Variants in SMN1 observed in about 807,000 individuals in gnomAD.
The protein encoded by SMN1 is survival of motor neuron 1, telomeric.
For missense variants in SMN1, 15 were observed against 17.1 expected (o/e 0.88, Z 0.22); for synonymous variants, 3 against 5.1 (o/e 0.58, Z 0.56).
chr5:70,944,068 G>A (rs1255382191), intron 5 of SMN1, among the ~76,000 whole-genome samples: 2 of 144,814 alleles, frequency 1.4e-5, no homozygotes, highest in East Asian at 2.0e-4. Context: ...GATTACAGGC[G>A]CCTAGCCTAG....
At chr5:70,960,433 T>G in the SMN1 span, among the ~76,000 whole-genome samples, 32 of 148,770 alleles carry the variant, frequency 2.2e-4, 2 homozygotes, top group Admixed American at 5.4e-4. Flanking sequence ...CTCAGTTTTT[T>G]GTGTAGCTTT....
chr5:70,959,885 C>T, the SMN1 span, among the ~76,000 whole-genome samples: 2 of 97,410 alleles, frequency 2.1e-5, no homozygotes, highest in Non-Finnish European at 4.2e-5. Context: ...TTGTGATCTG[C>T]TCGCCTTGGC....
chr5:70,963,882 T>C, the SMN1 span, among the ~76,000 whole-genome samples: 7 of 41,672 alleles, frequency 1.7e-4, no homozygotes, highest in South Asian at 9.3e-3. Context: ...TTCAAACTTT[T>C]TTTTTTTTTT....
intron 7 of SMN1, among the ~76,000 whole-genome samples, chr5:70,951,401 G>A (rs1749725570): frequency 6.6e-6 from 1 of 151,914 alleles, no homozygotes; most frequent in African/African-American, 2.4e-5. Context: ...AGCCTCCCAA[G>A]TAGCTGGGAT....
chr5:70,963,366 TAAAA>T, the SMN1 span, among the ~76,000 whole-genome samples: 1 of 34,954 alleles, frequency 2.9e-5, no homozygotes, highest in Non-Finnish European at 7.9e-5. Context: ...GGGTCATGGT[TAAAA>T]AAAAAGCTTG....
chr5:70,958,751 G>A (rs1749956231), downstream of SMN1, among the ~76,000 whole-genome samples: 1 of 146,096 alleles, frequency 6.8e-6, no homozygotes, highest in Non-Finnish European at 1.5e-5. Context: ...GTCAATTTTG[G>A]AATAGGTGTG....
chr5:70,945,564 A>G (rs917431098), intron 6 of SMN1, among the ~76,000 whole-genome samples: 4 of 106,098 alleles, frequency 3.8e-5, no homozygotes, highest in Non-Finnish European at 7.4e-5. Flanking sequence ...TCGAAATGCT[A>G]TGTGAGCTGT....
downstream of SMN1, among the ~76,000 whole-genome samples, chr5:70,954,706 A>C: frequency 2.0e-5 from 1 of 49,908 alleles, no homozygotes; most frequent in African/African-American, 4.9e-5. Context: ...TACAAAAATT[A>C]GCCCGGCATG....
intron 1 of SMN1, among the ~76,000 whole-genome samples, chr5:70,935,744 CTCT>C (rs1277624033): frequency 6.6e-6 from 1 of 151,998 alleles, no homozygotes; most frequent in Non-Finnish European, 1.5e-5. Flanking sequence ...CATAGCGAGA[CTCT>C]TGTCTCAAGA....
chr5:70,954,852 C>CA (rs1233451411), downstream of SMN1, among the ~76,000 whole-genome samples: 2 of 6,746 alleles, frequency 3.0e-4, 1 homozygote, highest in Non-Finnish European at 6.7e-4. Context: ...GACTCCGTCT[C>CA]AAAAAAAAAA....
intron 7 of SMN1, among the ~76,000 whole-genome samples, chr5:70,950,207 C>G (rs891832875): frequency 6.7e-6 from 1 of 149,640 alleles, no homozygotes; most frequent in Non-Finnish European, 1.5e-5. Flanking sequence ...CACCTGAAGT[C>G]GGGAGTTCCA....
At chr5:70,950,814 T>C (rs1339312304) in intron 7 of SMN1, among the ~76,000 whole-genome samples, 3 of 145,822 alleles carry the variant, frequency 2.1e-5, no homozygotes, top group Non-Finnish European at 3.0e-5. Context: ...AATTTTTTTG[T>C]GTTTTTAGTA....
Position 70,943,573 on chromosome 5 carries a change from TATAG to T in SMN1, c.627+707_627+710del, listed in dbSNP as rs1423483287. ...ATAAGAACACATTATTTACATCTAA[TATAG>T]ATAAAATCCTGAGGCGCTCTCAGAT... On this transcript the variant is annotated intron_variant, in intron 5 of 8. Transcript: ENST00000380707. Among the ~76,000 whole-genome samples the T allele has an allele frequency of 2.2e-4, 14 of 64,082 alleles. No individual in the cohort carries two copies. The Admixed American group carries it at 2.5e-3, about 11-fold the overall frequency. The allele number at this position is 64,082 out of a possible 152,430, so 42.0% of individuals were successfully genotyped here.
the SMN1 span, among the ~76,000 whole-genome samples, chr5:70,960,044 A>T: frequency 6.8e-6 from 1 of 146,970 alleles, no homozygotes; most frequent in African/African-American, 2.5e-5. Context: ...CAAAATAGCC[A>T]ATAATTTATC....
At chr5:70,960,486 T>C in the SMN1 span, among the ~76,000 whole-genome samples, 63 of 147,352 alleles carry the variant, frequency 4.3e-4, 6 homozygotes, top group Non-Finnish European at 6.3e-4. Flanking sequence ...GTTTATATAG[T>C]TCTACATTTT....
chr5:70,952,572 G>A lies in SMN1; in HGVS notation c.*137G>A. On this transcript the variant is annotated 3_prime_UTR_variant, in exon 9 of 9. Coordinates refer to ENST00000380707, the MANE Select transcript of SMN1 (RefSeq NM_000344.4). ...CAAGTGTTGGGAAAGAAAAAAGGAA[G>A]TGGAATGGGTAACTCTTCTTGATTA... is the stretch of plus-strand genomic sequence containing the variant. 1 of 372,734 alleles carries A rather than the reference G, an allele frequency of 2.7e-6. No homozygotes were observed. Among genetic ancestry groups the A allele is most frequent in the East Asian group, 4.8e-5 (1 of 20,668 alleles). 23.1% of individuals were successfully genotyped at this position (372,734 alleles called of 1,614,324 possible).
At chr5:70,952,289 CT>C (rs1229623735) in intron 8 of SMN1, 149 bp from the exon 9 acceptor site, 35 of 1,383,654 alleles carry the variant, frequency 2.5e-5, no homozygotes, top group Admixed American at 2.9e-5. Context: ...GACCAGCAGA[CT>C]TTTTTTTATT....
downstream of SMN1, among the ~76,000 whole-genome samples, chr5:70,955,146 G>T (rs1187912815): frequency 6.8e-6 from 1 of 146,272 alleles, no homozygotes; most frequent in Non-Finnish European, 1.5e-5. Flanking sequence ...ACAGGAGGTT[G>T]AGGCTGTATA....
At chr5:70,952,028 C>T (rs1280672957) in intron 8 of SMN1, 34 bp downstream of exon 8, 11 of 1,609,570 alleles carry the variant, frequency 6.8e-6, no homozygotes, top group Non-Finnish European at 8.5e-6. Context: ...GTGAATCTTA[C>T]TTTTGTAAAA....
Sources: allele counts gnomAD v4.1 joint callset (sites outside exome capture counted in the v4.1 genomes callset), GRCh38; gene constraint gnomAD v4.1.1; transcripts MANE v1.5; gene names NCBI Gene and HGNC (gene_info 2026-07-23, HGNC 2026-07-21).